Variants in USP40 observed in about 807,000 individuals in gnomAD.
USP40 encodes ubiquitin carboxyl-terminal hydrolase 40.
A neutral mutation model predicts 166.2 loss-of-function variants in USP40; 143 were observed. The observed-to-expected ratio is 0.86, with a 90% CI of 0.75 to 0.99. The LOEUF (loss-of-function observed/expected upper bound fraction) is 0.99. USP40 is among the 50% of genes least tolerant of loss of function. USP40 has a pLI of 0.00. For synonymous variants in USP40, 498 were observed against 524.0 expected (o/e 0.95, Z 0.68); for missense variants, 1,444 against 1,479.7 (o/e 0.98, Z 0.40).
intron 6 of USP40, among the ~76,000 whole-genome samples, chr2:233,552,644 G>A (rs1361993487): frequency 6.6e-6 from 1 of 152,092 alleles, no homozygotes; most frequent in Non-Finnish European, 1.5e-5. Flanking sequence ...AAATAAATAA[G>A]CAAATGATAA....
chr2:233,496,904 C>T, intron 23 of USP40, 72 bp from the exon 24 acceptor site: 3 of 1,107,888 alleles, frequency 2.7e-6, no homozygotes, highest in Non-Finnish European at 4.0e-6. Context: ...TTTTTAAAAC[C>T]CCATGCCTCT....
intron 26 of USP40, 57 bp downstream of exon 26, chr2:233,491,110 T>C (rs1312393823): frequency 8.7e-7 from 1 of 1,146,552 alleles, no homozygotes; most frequent in Non-Finnish European, 1.3e-6. Flanking sequence ...AATATATTAA[T>C]ATCTCACTGG....
intron 18 of USP40, among the ~76,000 whole-genome samples, chr2:233,518,492 G>A (rs2067411846): frequency 6.6e-6 from 1 of 150,880 alleles, no homozygotes; most frequent in African/African-American, 2.4e-5. Flanking sequence ...GCTTGAGCCT[G>A]GGAGACGGAG....
At position 233,549,107 on chromosome 2, in the gene USP40, C is replaced by G. The variant is rs372849264; in HGVS notation, c.960G>C (p.Gln320His). Reference sequence around the variant, plus strand: ...AACGAATTTCTATACGTACTTGAAACTGCCAGTTTCCCAAATGATCAACAT... The same window carrying G: ...AACGAATTTCTATACGTACTTGAAAGTGCCAGTTTCCCAAATGATCAACAT... The part of the protein sequence containing the change: ...IKDVDHLGNW[Q>H]FQEEKSKPDV... Residue 320 changes from glutamine to histidine, a missense_variant, in exon 8 of 32, where the codon CAG becomes CAC. Gln to His is a conservative substitution (Grantham distance 24). Transcript: ENST00000678225. 2.7e-5 allele frequency: 43 copies of G among 1,595,582 alleles called. No individual in the cohort carries two copies. In the Middle Eastern group the frequency reaches 6.7e-4, roughly 25 times the overall value.
At chr2:233,504,177 A>G (rs944182687) in intron 21 of USP40, among the ~76,000 whole-genome samples, 2 of 152,084 alleles carry the variant, frequency 1.3e-5, no homozygotes, top group African/African-American at 4.8e-5. Context: ...AGAAAAAGAA[A>G]CAAAGCTTAG....
At chr2:233,498,912 A>T (rs1009026770) in intron 22 of USP40, among the ~76,000 whole-genome samples, 2 of 152,214 alleles carry the variant, frequency 1.3e-5, no homozygotes, top group Non-Finnish European at 2.9e-5. Flanking sequence ...GACATGAAAC[A>T]GAATGCACTG....
In USP40 at chr2:233,477,234, A is replaced by C; in HGVS notation, c.*158T>G. On this transcript the variant is annotated 3_prime_UTR_variant, in exon 32 of 32. Transcript: ENST00000678225. ...ACGTGTTGCAGAGCTAAGTGACTAC[A>C]TGCACTGGCCAGGCCTCAGAGGAGC... 1.4e-6 allele frequency: 1 copy of C among 708,598 alleles called. No homozygotes were observed. The highest frequency in any genetic ancestry group is 1.6e-5 in the South Asian group (1 of 64,002). The allele number at this position is 708,598 out of a possible 1,614,324, so 43.9% of individuals were successfully genotyped here. A position where few individuals can be genotyped will look rare whatever the true frequency, so the allele number is the denominator to read the frequency against.
intron 14 of USP40, 57 bp downstream of exon 14, chr2:233,525,421 G>T: frequency 1.5e-6 from 2 of 1,361,372 alleles, no homozygotes; most frequent in Non-Finnish European, 1.0e-6. Context: ...TCGCAGGTGA[G>T]CCGGACAAAA....
At chr2:233,566,540 C>G (rs2072175865) in intron 1 of USP40, 144 bp downstream of exon 1, 1 of 377,086 alleles carries the variant, frequency 2.7e-6, no homozygotes, top group African/African-American at 2.2e-5. Flanking sequence ...TGGCCCGAAA[C>G]CACTGCCCCG....
chr2:233,499,984 T>C (rs1319761736), intron 21 of USP40, 69 bp from the exon 22 acceptor site: 1 of 1,371,912 alleles, frequency 7.3e-7, no homozygotes, highest in Non-Finnish European at 1.0e-6. Context: ...CAAACACCCT[T>C]TTTGGACCCT....
chr2:233,552,894 G>A (rs1358964944), intron 6 of USP40, among the ~76,000 whole-genome samples: 1 of 152,184 alleles, frequency 6.6e-6, no homozygotes, highest in Non-Finnish European at 1.5e-5. Flanking sequence ...ATAATGAAGT[G>A]ACCGCATAAA....
rs112733437 is a variant in USP40, at chr2:233,559,804, C to A, written c.381+7G>T. 2,777 of 1,592,068 alleles carry A rather than the reference C, an allele frequency of 1.7e-3. 37 individuals are homozygous for A. In the African/African-American group the frequency reaches 0.03, roughly 17 times the overall value. ...GTAACTCTTCCTTAAAGAGCTGATC[C>A]TCGTACCTCATTACTGGTCCACCCA... On this transcript the variant is annotated splice_region_variant and intron_variant, in intron 4 of 31. Coordinates refer to ENST00000678225, the MANE Select transcript of USP40 (RefSeq NM_001365479.2).
chr2:233,518,759 C>G (rs2067442902), intron 18 of USP40, among the ~76,000 whole-genome samples: 1 of 151,666 alleles, frequency 6.6e-6, no homozygotes, highest in Non-Finnish European at 1.5e-5. Flanking sequence ...TACATGTACC[C>G]AAGAGAAATG....
intron 31 of USP40, among the ~76,000 whole-genome samples, chr2:233,478,842 CT>C: frequency 6.6e-6 from 1 of 152,214 alleles, no homozygotes; most frequent in Non-Finnish European, 1.5e-5. Context: ...TTCTCTGCCC[CT>C]ATACACAGGT....
At chr2:233,506,242 T>C (rs1376685167) in intron 21 of USP40, among the ~76,000 whole-genome samples, 1 of 152,094 alleles carries the variant, frequency 6.6e-6, no homozygotes, top group Non-Finnish European at 1.5e-5. Flanking sequence ...AGAACACACA[T>C]TGGGAAAATG....
In USP40 at chr2:233,477,336, A is replaced by T. The variant is rs182511239; in HGVS notation, c.*56T>A. 3.5e-5 allele frequency: 55 copies of T among 1,552,810 alleles called. 1 individual carries two copies. In the Admixed American group the frequency reaches 9.6e-4, roughly 27 times the overall value. ...GCCAGTCCCCATGCCCAGGAAACCC[A>T]CGTTTGTGGCATCAGCCGGAGAGTT... On this transcript the variant is annotated 3_prime_UTR_variant, in exon 32 of 32. Transcript: ENST00000678225.
intron 8 of USP40, among the ~76,000 whole-genome samples, chr2:233,545,205 G>A (rs1160501154): frequency 2.0e-5 from 3 of 152,178 alleles, no homozygotes; most frequent in African/African-American, 7.2e-5. Flanking sequence ...AATAAAATAA[G>A]TATGTTTAAG....
intron 9 of USP40, among the ~76,000 whole-genome samples, chr2:233,542,039 G>GT (rs1373795443): frequency 1.3e-5 from 2 of 151,852 alleles, no homozygotes; most frequent in Non-Finnish European, 2.9e-5. Context: ...TATATTTTCT[G>GT]TTTTTTTCTT....
intron 2 of USP40, among the ~76,000 whole-genome samples, chr2:233,563,491 T>C (rs1197051059): frequency 6.6e-6 from 1 of 152,168 alleles, no homozygotes; most frequent in Non-Finnish European, 1.5e-5. Flanking sequence ...TGAAAAACTA[T>C]TGCTACCCTA....
Sources: gnomAD v4.1 joint callset for allele counts (sites outside exome capture counted in the v4.1 genomes callset) on GRCh38, gnomAD v4.1.1 for gene constraint, MANE v1.5 for transcripts, NCBI Gene and HGNC (gene_info 2026-07-23, HGNC 2026-07-21) for gene names.